The following EHHADH variants were observed in gnomAD, a reference collection of about 807,000 sequenced individuals.
The protein encoded by EHHADH is enoyl-CoA hydratase and 3-hydroxyacyl CoA dehydrogenase.
Under a neutral mutation model 64.4 loss-of-function variants are expected in EHHADH, and 48 were observed. The observed-to-expected ratio is 0.75, with a 90% CI of 0.59 to 0.95. The LOEUF is 0.95. Among genes scored for constraint, EHHADH ranks in the 40% least tolerant of loss-of-function variants. The pLI is 0.00. For synonymous variants in EHHADH, 308 were observed against 326.7 expected (o/e 0.94, Z 0.62); for missense variants, 854 against 876.6 (o/e 0.97, Z 0.33).
intron 4 of EHHADH, among the ~76,000 whole-genome samples, chr3:185,226,067 G>C (rs991038481): frequency 1.3e-5 from 2 of 152,084 alleles, no homozygotes; most frequent in Admixed American, 6.5e-5. Context: ...CAGTTGTGGT[G>C]GCTAGTCTCC....
intron 2 of EHHADH, among the ~76,000 whole-genome samples, chr3:185,243,695 G>A (rs1009044737): frequency 4.6e-5 from 7 of 152,218 alleles, no homozygotes; most frequent in South Asian, 2.1e-4. Context: ...AATATGAAAC[G>A]ATACTTGATA....
At chr3:185,198,305 G>A (rs1278509844) in intron 6 of EHHADH, among the ~76,000 whole-genome samples, 4 of 151,844 alleles carry the variant, frequency 2.6e-5, no homozygotes, top group South Asian at 2.1e-4. Flanking sequence ...TGTAACCTCC[G>A]CCTCCCGAGT....
chr3:185,235,003 G>A (rs974177320), intron 3 of EHHADH, among the ~76,000 whole-genome samples: 7 of 152,054 alleles, frequency 4.6e-5, no homozygotes, highest in African/African-American at 1.7e-4. Context: ...CCAACATGGT[G>A]AAACCCCGTC....
In EHHADH at chr3:185,229,562, A is replaced by G; in HGVS notation, c.352-19T>C. 6.8e-7 allele frequency: 1 copy of G among 1,467,108 alleles called. No homozygotes were observed. Among genetic ancestry groups the G allele is most frequent in the South Asian group, 1.4e-5 (1 of 69,300 alleles). The allele number at this position is 1,467,108 out of a possible 1,614,324, so 90.9% of individuals were successfully genotyped here. A position where few individuals can be genotyped will look rare whatever the true frequency, so the allele number is the denominator to read the frequency against. ...CTTGAGCCTATCAAAGATTGAAGGC[A>G]TAAAGGCCATTAGCATGAGATGGTA... is the stretch of plus-strand genomic sequence containing the variant. On this transcript the variant is annotated intron_variant, in intron 3 of 6. Transcript: ENST00000231887.
chr3:185,252,218 G>A (rs531995795), intron 1 of EHHADH, among the ~76,000 whole-genome samples: 31 of 152,184 alleles, frequency 2.0e-4, no homozygotes, highest in Non-Finnish European at 2.5e-4. Flanking sequence ...TGGCCAACAT[G>A]GTGAAACCCC....
At position 185,254,031 on chromosome 3, in the gene EHHADH, T is replaced by C. The variant is rs1173512470; in HGVS notation, c.-9A>G. 2.5e-6 allele frequency: 4 copies of C among 1,613,112 alleles called. No individual in the cohort carries two copies. Among genetic ancestry groups the C allele is most frequent in the East Asian group, 2.2e-5 (1 of 44,806 alleles). On this transcript the variant is annotated 5_prime_UTR_variant, in exon 1 of 7. The change creates a new upstream start codon in the 5' untranslated region. Transcript: ENST00000231887. ...CGCGTATACTCGGCCATGTTTCCTC[T>C]ATCACCGAGGGCACCTCTGCCTCTC...
chr3:185,195,330 C>T (rs1390292869), intron 6 of EHHADH, among the ~76,000 whole-genome samples: 1 of 152,048 alleles, frequency 6.6e-6, no homozygotes, highest in Non-Finnish European at 1.5e-5. Context: ...ACTAGGATTG[C>T]AATAATGAAA....
At chr3:185,246,009 C>G in intron 2 of EHHADH, 1 of 1,412,108 alleles carries the variant, frequency 7.1e-7, no homozygotes. Flanking sequence ...TCTTCATCTT[C>G]TAGAGCTTCA....
At chr3:185,249,441 T>C (rs1719686161) in intron 1 of EHHADH, among the ~76,000 whole-genome samples, 1 of 152,224 alleles carries the variant, frequency 6.6e-6, no homozygotes, top group Non-Finnish European at 1.5e-5. Context: ...TTTGGCTCTT[T>C]ATCCCCACCA....
chr3:185,192,192 T>A lies in EHHADH; in HGVS notation c.*34A>T, dbSNP rs1338644650. On this transcript the variant is annotated 3_prime_UTR_variant, in exon 7 of 7. Transcript: ENST00000231887. The stretch of plus-strand genomic sequence containing the variant: ...CTGAAATTCAGTCAGCATTACCTGA[T>A]GCTAGCATGTGAGGCATAATCTGGA... The A allele has an allele frequency of 6.3e-7, 1 of 1,581,092 alleles. No individual in the cohort carries two copies.
Position 185,192,922 on chromosome 3 carries a change from T to C in EHHADH, c.1476A>G (p.Ala492=). 6.2e-7 allele frequency: 1 copy of C among 1,614,166 alleles called. No homozygotes were observed. The change falls in exon 7 of 7, where the codon GCA becomes GCG. Residue 492 remains alanine (A), a synonymous_variant. Coordinates refer to ENST00000231887, the MANE Select transcript of EHHADH (RefSeq NM_001966.4). ...NRMLNPYYNQ[A]YFLLEEGSKP... ...TGCTGCCTTCTTCTAACAAGAAATA[T>C]GCCTGATTGTAGTAAGGATTCAACA... is the stretch of plus-strand genomic sequence containing the variant.
chr3:185,242,079 A>G (rs906647520), intron 2 of EHHADH, among the ~76,000 whole-genome samples: 2 of 152,182 alleles, frequency 1.3e-5, no homozygotes, highest in African/African-American at 4.8e-5. Flanking sequence ...CCCCTTTTAA[A>G]ATAGCTGCAA....
In EHHADH at chr3:185,192,304, T is replaced by C. The variant is rs370130327; in HGVS notation, c.2094A>G (p.Leu698=). 639 of 1,614,084 alleles carry C rather than the reference T, an allele frequency of 4.0e-4. 2 individuals are homozygous for C. Among genetic ancestry groups the C allele is most frequent in the Non-Finnish European group, 4.5e-4 (534 of 1,180,036 alleles). ...GGTTTCCCTGAGAAGCCAGTTTTTT[T>C]AGATAGTCACTTGGCTCCAGTTGGG... ...DIPQLEPSDY[L]KKLASQGNPP... is the part of the protein sequence containing the mutation. The change falls in exon 7 of 7, where the codon CTA becomes CTG. Residue 698 remains leucine, a synonymous_variant. Transcript: ENST00000231887.
chr3:185,229,090 G>A (rs868457031), intron 4 of EHHADH, among the ~76,000 whole-genome samples: 45 of 152,180 alleles, frequency 3.0e-4, no homozygotes, highest in African/African-American at 9.1e-4. Flanking sequence ...GCCACTGCGT[G>A]CGGCCTATAT....
intron 6 of EHHADH, among the ~76,000 whole-genome samples, chr3:185,199,771 A>G (rs1718173326): frequency 6.6e-6 from 1 of 152,262 alleles, no homozygotes; most frequent in East Asian, 1.9e-4. Context: ...TTAGAGATAC[A>G]GTCTTGCTCT....
chr3:185,193,252 T>C lies in EHHADH; in HGVS notation c.1146A>G (p.Val382=), dbSNP rs1275022358. ...LGGVDLVIEA[V]FEEMSLKKQV... is the part of the protein sequence containing the mutation. ...GCTTCTTCAGGCTCATTTCCTCAAA[T>C]ACTGCTTCAATGACTAAATCTACAC... The change falls in exon 7 of 7, where the codon GTA becomes GTG. Residue 382 remains valine (V), a synonymous_variant. Coordinates refer to ENST00000231887, the MANE Select transcript of EHHADH (RefSeq NM_001966.4). The C allele has an allele frequency of 6.2e-7, 1 of 1,601,804 alleles. No individual in the cohort carries two copies. Among genetic ancestry groups the C allele is most frequent in the South Asian group, 1.1e-5 (1 of 88,430 alleles).
chr3:185,200,269 A>T (rs1273822819), intron 6 of EHHADH, among the ~76,000 whole-genome samples: 2 of 152,192 alleles, frequency 1.3e-5, no homozygotes, highest in East Asian at 3.8e-4. Context: ...TTTTGAAGAT[A>T]GGATGTATCA....
chr3:185,203,719 A>G (rs1718293793), intron 6 of EHHADH, among the ~76,000 whole-genome samples: 1 of 152,204 alleles, frequency 6.6e-6, no homozygotes, highest in African/African-American at 2.4e-5. Context: ...GGGGACGGAA[A>G]GACAGAGACT....
intron 4 of EHHADH, among the ~76,000 whole-genome samples, chr3:185,228,747 T>G (rs1719070039): frequency 6.6e-6 from 1 of 152,090 alleles, no homozygotes; most frequent in South Asian, 2.1e-4. Context: ...AGTGAAAAAT[T>G]TAGTCATTTT....
Sources: allele counts gnomAD v4.1 joint callset (sites outside exome capture counted in the v4.1 genomes callset), GRCh38; gene constraint gnomAD v4.1.1; transcripts MANE v1.5; gene names NCBI Gene and HGNC (gene_info 2026-07-23, HGNC 2026-07-21).